Variants in CNBD1 observed in about 807,000 individuals in gnomAD.
The protein encoded by CNBD1 is cyclic nucleotide-binding domain-containing protein 1.
A neutral mutation model predicts 54.4 loss-of-function variants in CNBD1; 71 were observed. The ratio of observed to expected loss-of-function variants is 1.30; its 90% CI spans 1.08 to 1.59. CNBD1 has a LOEUF of 1.59. Among genes scored for constraint, CNBD1 ranks in the 40% most tolerant of loss-of-function variants. The pLI is 0.00. For synonymous variants in CNBD1, 182 were observed against 170.7 expected (o/e 1.07, Z -0.51); for missense variants, 659 against 518.0 (o/e 1.27, Z -2.64).
At chr8:87,406,471 CACACACACT>C (rs1284981112) in intron 2 of CNBD1, among the ~76,000 whole-genome samples, 422 of 137,160 alleles carry the variant, frequency 3.1e-3, no homozygotes, top group African/African-American at 0.012. Flanking sequence ...CACACACACA[CACACACACT>C]TTTTTTTTTT....
chr8:86,897,620 C>G (rs149706168), intron 2 of CNBD1, among the ~76,000 whole-genome samples: 2 of 152,160 alleles, frequency 1.3e-5, no homozygotes, highest in Non-Finnish European at 2.9e-5. Context: ...CAGCCAATTC[C>G]AGAAATGTCA....
chr8:86,913,505 T>A (rs1392565313), intron 3 of CNBD1, among the ~76,000 whole-genome samples: 1 of 152,072 alleles, frequency 6.6e-6, no homozygotes, highest in East Asian at 1.9e-4. Flanking sequence ...AAGAGAGAAA[T>A]TTTAAAGCTG....
At chr8:87,345,343 C>A (rs1427584604) in intron 8 of CNBD1, among the ~76,000 whole-genome samples, 1 of 152,092 alleles carries the variant, frequency 6.6e-6, no homozygotes, top group Non-Finnish European at 1.5e-5. Flanking sequence ...GAAACATTTC[C>A]CTTTTAATGT....
intron 4 of CNBD1, among the ~76,000 whole-genome samples, chr8:87,131,214 T>C (rs1812112088): frequency 6.6e-6 from 1 of 152,154 alleles, no homozygotes; most frequent in South Asian, 2.1e-4. Flanking sequence ...TGTCTACCAC[T>C]TCACTACTTG....
chr8:87,078,194 T>C (rs982498922), intron 4 of CNBD1, among the ~76,000 whole-genome samples: 1 of 152,192 alleles, frequency 6.6e-6, no homozygotes, highest in African/African-American at 2.4e-5. Context: ...AGGCAAGAGT[T>C]CCTAAATGAG....
At chr8:87,224,455 A>G (rs1342071642) in intron 5 of CNBD1, among the ~76,000 whole-genome samples, 1 of 151,376 alleles carries the variant, frequency 6.6e-6, no homozygotes, top group Non-Finnish European at 1.5e-5. Context: ...TCAGCTTTCT[A>G]CATATGGCTA....
intron 4 of CNBD1, among the ~76,000 whole-genome samples, chr8:87,122,605 T>C (rs1283903763): frequency 6.6e-6 from 1 of 151,850 alleles, no homozygotes; most frequent in Non-Finnish European, 1.5e-5. Flanking sequence ...CCAAAAAAAC[T>C]GTTGCCCAGA....
intron 6 of CNBD1, among the ~76,000 whole-genome samples, chr8:87,256,009 ATATATATTTTTTTTT>A (rs1317294916): frequency 2.5e-4 from 5 of 19,654 alleles, no homozygotes; most frequent in South Asian, 2.9e-3. Flanking sequence ...ATATATATAT[ATATATATTTTTTTTT>A]TTTTTTTTTT....
chr8:87,088,160 C>G (rs1387018010), intron 4 of CNBD1, among the ~76,000 whole-genome samples: 2 of 152,054 alleles, frequency 1.3e-5, no homozygotes, highest in Non-Finnish European at 2.9e-5. Flanking sequence ...TAGTTTTTTT[C>G]CCCTTTGTTT....
At chr8:86,894,086 G>A (rs796875752) in intron 2 of CNBD1, among the ~76,000 whole-genome samples, 2 of 88,280 alleles carry the variant, frequency 2.3e-5, no homozygotes, top group African/African-American at 8.4e-5. Flanking sequence ...ACGGAGTCTC[G>A]CTCTGTCGCC....
At chr8:87,238,512 A>T (rs1458447857) in intron 6 of CNBD1, among the ~76,000 whole-genome samples, 2 of 152,130 alleles carry the variant, frequency 1.3e-5, no homozygotes, top group Non-Finnish European at 1.5e-5. Context: ...TAATGTCACT[A>T]TCTCAAATTT....
At chr8:87,356,414 T>A (rs1161801079) in intron 10 of CNBD1, among the ~76,000 whole-genome samples, 1 of 152,138 alleles carries the variant, frequency 6.6e-6, no homozygotes, top group East Asian at 1.9e-4. Flanking sequence ...AAATGAGGAA[T>A]CTATTGGAAA....
intron 4 of CNBD1, among the ~76,000 whole-genome samples, chr8:87,037,936 A>G (rs745756756): frequency 5.3e-5 from 8 of 152,162 alleles, no homozygotes; most frequent in Non-Finnish European, 1.0e-4. Flanking sequence ...TTCAGTGTCT[A>G]TGTTATTTTC....
chr8:87,256,015 A>ATATTTTTT (rs1563526157), intron 6 of CNBD1, among the ~76,000 whole-genome samples: 2 of 15,786 alleles, frequency 1.3e-4, no homozygotes, highest in African/African-American at 2.8e-4. Flanking sequence ...ATATATATAT[A>ATATTTTTT]TTTTTTTTTT....
Position 87,177,274 on chromosome 8 carries a change from T to A in CNBD1, c.432-28719T>A, listed in dbSNP as rs73690107. 4.8e-3 allele frequency among the ~76,000 whole-genome samples: 726 copies of A among 152,190 alleles called. 7 individuals are homozygous for A. Among genetic ancestry groups the A allele is most frequent in the African/African-American group, 0.017 (690 of 41,460 alleles). ...TTAGGAAGAAATCATCATGATCCAA[T>A]TGCAATTGTATAGATAGTTTTGCCA... On this transcript the variant is annotated intron_variant, in intron 4 of 10. Coordinates refer to ENST00000518476, the MANE Select transcript of CNBD1 (RefSeq NM_173538.3).
chr8:87,294,477 A>G (rs1465128012), intron 8 of CNBD1, among the ~76,000 whole-genome samples: 1 of 152,140 alleles, frequency 6.6e-6, no homozygotes, highest in African/African-American at 2.4e-5. Context: ...CACCACCTGC[A>G]GCATTAGAAC....
At chr8:87,308,171 A>G (rs1809195889) in intron 8 of CNBD1, among the ~76,000 whole-genome samples, 1 of 152,144 alleles carries the variant, frequency 6.6e-6, no homozygotes, top group Non-Finnish European at 1.5e-5. Flanking sequence ...GGTTACATGC[A>G]CACAATGAAC....
At chr8:87,374,423 T>C (rs945030300) in intron 10 of CNBD1, among the ~76,000 whole-genome samples, 1 of 151,882 alleles carries the variant, frequency 6.6e-6, no homozygotes, top group African/African-American at 2.4e-5. Context: ...AGATAGTTCC[T>C]TAAATCAAGA....
intron 10 of CNBD1, among the ~76,000 whole-genome samples, chr8:87,354,938 G>A (rs891306584): frequency 3.5e-4 from 53 of 152,266 alleles, no homozygotes; most frequent in African/African-American, 1.3e-3. Flanking sequence ...GGATGGCTGG[G>A]TCCATCAGAG....
Sources: allele counts gnomAD v4.1 joint callset (sites outside exome capture counted in the v4.1 genomes callset), GRCh38; gene constraint gnomAD v4.1.1; transcripts MANE v1.5; gene names NCBI Gene and HGNC (gene_info 2026-07-23, HGNC 2026-07-21).